The following VCAN variants were observed in gnomAD, a reference collection of about 807,000 sequenced individuals.
VCAN encodes the protein versican core protein.
A neutral mutation model predicts 245.5 loss-of-function variants in VCAN; 44 were observed. The ratio of observed to expected loss-of-function variants is 0.18; its 90% CI spans 0.14 to 0.23. The LOEUF is 0.23. Among genes scored for constraint, VCAN ranks in the 10% least tolerant of loss-of-function variants. VCAN has a pLI of 1.00. For missense variants in VCAN, 3,793 were observed against 4,057.9 expected, an observed-to-expected ratio of 0.93 and a Z score of 1.77; for synonymous variants, 1,413 against 1,437.0, an observed-to-expected ratio of 0.98 and a Z score of 0.38.
At chr5:83,477,560 T>TA (rs911670168) in intron 1 of VCAN, among the ~76,000 whole-genome samples, 5 of 151,852 alleles carry the variant, frequency 3.3e-5, no homozygotes, top group African/African-American at 7.3e-5. Flanking sequence ...ATCATGGGAT[T>TA]AAAAAAAATA....
rs748832132 is a variant in VCAN, at chr5:83,512,076, GC to G, written c.749-26del. On this transcript the variant is annotated intron_variant, in intron 5 of 14. Coordinates refer to ENST00000265077, the MANE Select transcript of VCAN (RefSeq NM_004385.5). ...AAAGGAATGAATAATAAAACTTTGG[GC>G]TTTTTTTCCCTTCTTTTTTTTCCAG... 23 of 1,613,250 alleles carry G rather than the reference GC, an allele frequency of 1.4e-5. No individual in the cohort carries two copies. The East Asian group carries it at 5.1e-4, about 36-fold the overall frequency.
chr5:83,566,174 T>G (rs933424725), intron 12 of VCAN, among the ~76,000 whole-genome samples: 4 of 152,030 alleles, frequency 2.6e-5, no homozygotes, highest in Non-Finnish European at 5.9e-5. Context: ...TTGGCCAGGC[T>G]GGTCTTGAAC....
intron 6 of VCAN, among the ~76,000 whole-genome samples, chr5:83,517,832 G>A (rs1227464526): frequency 1.3e-5 from 2 of 152,118 alleles, no homozygotes; most frequent in Non-Finnish European, 2.9e-5. Flanking sequence ...GCCCTCAAAT[G>A]TTCATGATAA....
intron 5 of VCAN, among the ~76,000 whole-genome samples, chr5:83,499,755 T>A (rs1227112172): frequency 1.3e-5 from 2 of 152,164 alleles, no homozygotes; most frequent in Non-Finnish European, 2.9e-5. Context: ...TAATACCTAT[T>A]CATCAATTAT....
chr5:83,542,067 C>G lies in VCAN; in HGVS notation c.9064C>G (p.Gln3022Glu), dbSNP rs545986742. The G allele has an allele frequency of 6.8e-6, 11 of 1,613,266 alleles. No individual in the cohort carries two copies. The Admixed American group carries it at 1.3e-4, about 20-fold the overall frequency. Residue 3022 changes from glutamine to glutamate, a missense_variant, in exon 8 of 15, where the codon CAG becomes GAG. Coordinates refer to ENST00000265077, the MANE Select transcript of VCAN (RefSeq NM_004385.5). ...PETQAALIRG[Q>E]DSTIAASEQQ... ...AACTCAAGCAGCTTTAATCAGAGGG[C>G]AGGATTCCACGATAGCAGCATCAGA... is the stretch of plus-strand genomic sequence containing the variant.
At chr5:83,575,513 A>T (rs1748439948) in intron 13 of VCAN, among the ~76,000 whole-genome samples, 2 of 152,152 alleles carry the variant, frequency 1.3e-5, no homozygotes, top group Admixed American at 1.3e-4. Flanking sequence ...TGATTTAAAC[A>T]TTCTTACATT....
chr5:83,561,128 C>T (rs993551824), intron 12 of VCAN, among the ~76,000 whole-genome samples: 3 of 152,110 alleles, frequency 2.0e-5, no homozygotes, highest in African/African-American at 4.8e-5. Flanking sequence ...TCTACATTGT[C>T]AGGACTCAAA....
intron 5 of VCAN, among the ~76,000 whole-genome samples, chr5:83,500,468 G>A (rs1057057845): frequency 6.6e-6 from 1 of 152,184 alleles, no homozygotes; most frequent in Non-Finnish European, 1.5e-5. Flanking sequence ...AGTGACTCCA[G>A]TAAGATTGAG....
intron 6 of VCAN, among the ~76,000 whole-genome samples, chr5:83,517,248 T>C (rs1745885710): frequency 6.6e-6 from 1 of 152,172 alleles, no homozygotes; most frequent in Non-Finnish European, 1.5e-5. Context: ...TTTCATAGCA[T>C]TGTAGAAAGT....
intron 7 of VCAN, among the ~76,000 whole-genome samples, chr5:83,524,546 ACC>A (rs1746221842): frequency 1.4e-5 from 1 of 71,434 alleles, no homozygotes; most frequent in Non-Finnish European, 2.4e-5. Flanking sequence ...GTACCTACCT[ACC>A]TACCTACCTA....
chr5:83,537,696 G>C lies in VCAN; in HGVS notation c.4693G>C (p.Ala1565Pro). ...ATCTCAGAAAATAGCCTTTGCAAGG[G>C]CTACAGAAGTAACATTTGGTGAAGA... ...QESQKIAFAR[A>P]TEVTFGEEVE... Residue 1565 changes from alanine to proline, a missense_variant, in exon 8 of 15, where the codon GCT (alanine) becomes CCT (proline). Transcript: ENST00000265077. The C allele has an allele frequency of 6.2e-7, 1 of 1,613,894 alleles. No individual in the cohort carries two copies. The highest frequency in any genetic ancestry group is 8.5e-7 in the Non-Finnish European group (1 of 1,179,928).
At chr5:83,511,062 C>G (rs185070548) in intron 5 of VCAN, among the ~76,000 whole-genome samples, 3 of 151,444 alleles carry the variant, frequency 2.0e-5, no homozygotes, top group East Asian at 2.0e-4. Context: ...TGCAGTGAGC[C>G]CAGATCGTGC....
Position 83,539,731 on chromosome 5 carries a change from C to A in VCAN, c.6728C>A (p.Thr2243Lys), listed in dbSNP as rs573832087. Residue 2243 changes from threonine to lysine, a missense_variant, in exon 8 of 15, where the codon ACA becomes AAA. Around this residue, in one of 5 missense-constraint regions of VCAN, gnomAD observed 3,182 missense variants for 3,250.3 expected, o/e 0.98. Transcript: ENST00000265077. Reference protein sequence around the residue: ...TKHFPKGMRPTIQESDTELLF... With the variant: ...TKHFPKGMRPKIQESDTELLF... ...CATTTTCCGAAAGGCATGAGACCAA[C>A]AATTCAAGAGTCAGATACTGAGCTC... The A allele has an allele frequency of 4.3e-6, 7 of 1,613,662 alleles. No homozygotes were observed. Among genetic ancestry groups the A allele is most frequent in the East Asian group, 4.5e-5 (2 of 44,852 alleles).
rs1405065164 is a variant in VCAN at position 83,512,051 on chromosome 5, A to G, written c.749-52A>G. 23 of 1,609,018 alleles carry G rather than the reference A, an allele frequency of 1.4e-5. No homozygotes were observed. In the Admixed American group the frequency reaches 3.3e-4, roughly 23 times the overall value. ...TTCCCCACCATATTTATCCAACAGG[A>G]AAGGAATGAATAATAAAACTTTGGG... is the stretch of plus-strand genomic sequence containing the variant. On this transcript the variant is annotated intron_variant, in intron 5 of 14. Transcript: ENST00000265077.
chr5:83,554,868 AT>A, intron 11 of VCAN, 87 bp from the exon 12 acceptor site: 2 of 1,249,838 alleles, frequency 1.6e-6, no homozygotes, highest in South Asian at 2.5e-5. Flanking sequence ...AGGATGCATG[AT>A]TCATGCTGAA....
chr5:83,540,504 G>T lies in VCAN; in HGVS notation c.7501G>T (p.Asp2501Tyr). ...LHSEQNKSSPDPTSTLSNTVS... is the reference protein window; with the variant it reads ...LHSEQNKSSPYPTSTLSNTVS... ...TTCAGAGCAGAACAAAAGCTCCCCT[G>T]ATCCAACTAGCACACTGTCAAATAC... is the stretch of plus-strand genomic sequence containing the variant. Residue 2501 changes from aspartate (D) to tyrosine (Y), a missense_variant, in exon 8 of 15, where the codon GAT (aspartate) becomes TAT (tyrosine). Around this residue, in one of 5 missense-constraint regions of VCAN, gnomAD observed 3,182 missense variants for 3,250.3 expected, o/e 0.98. Coordinates refer to ENST00000265077, the MANE Select transcript of VCAN (RefSeq NM_004385.5). 5.0e-6 allele frequency: 8 copies of T among 1,613,926 alleles called. No individual in the cohort carries two copies. The highest frequency in any genetic ancestry group is 6.8e-6 in the Non-Finnish European group (8 of 1,179,926).
At chr5:83,572,360 G>A (rs1748318275) in intron 12 of VCAN, 56 bp from the exon 13 acceptor site, 2 of 1,598,740 alleles carry the variant, frequency 1.3e-6, no homozygotes, top group African/African-American at 2.7e-5. Context: ...TACCGTCGTT[G>A]CTCTTACGTT....
Position 83,522,230 on chromosome 5 carries a change from T to G in VCAN, c.3924T>G (p.Ser1308=). Residue 1308 remains serine (S), a synonymous_variant, in exon 7 of 15, where the codon TCT becomes TCG. Coordinates refer to ENST00000265077, the MANE Select transcript of VCAN (RefSeq NM_004385.5). ...AGGCCTTTGGACCTCAGGCGCTTTC[T>G]ACGCCACAGCCCCCAGCAAGCACAA... The part of the protein sequence containing the change: ...DKEAFGPQAL[S]TPQPPASTKF... 1.2e-6 allele frequency: 2 copies of G among 1,601,694 alleles called. No individual in the cohort carries two copies. Among genetic ancestry groups the G allele is most frequent in the Non-Finnish European group, 1.7e-6 (2 of 1,179,750 alleles).
At position 83,538,732 on chromosome 5, in the gene VCAN, A is replaced by T. The variant is rs1481237947; in HGVS notation, c.5729A>T (p.Glu1910Val). The T allele has an allele frequency of 1.9e-6, 3 of 1,613,966 alleles. No homozygotes were observed. The Admixed American group carries it at 5.0e-5, about 27-fold the overall frequency. The change falls in exon 8 of 15, where the codon GAG (glutamate) becomes GTG (valine). Residue 1910 changes from glutamate (E) to valine (V), a missense_variant. Physicochemically the swap from Glu to Val is moderately radical, Grantham distance 121. Transcript: ENST00000265077. ...TQTSREIVIS[E>V]RLGEPNYGAE... is the part of the protein sequence containing the mutation. ...ACATCCAGGGAAATAGTGATTTCAG[A>T]GCGATTAGGAGAACCAAATTATGGG...
Sources: gnomAD v4.1 joint callset for allele counts (sites outside exome capture counted in the v4.1 genomes callset) on GRCh38, gnomAD v4.1.1 for gene constraint, gnomAD v4.1.1 regional missense constraint, MANE v1.5 for transcripts, NCBI Gene and HGNC (gene_info 2026-07-23, HGNC 2026-07-21) for gene names.